WDR70: variants seen among roughly 807,000 people sequenced by gnomAD.
The protein encoded by WDR70 is WD repeat domain 70.
Under a neutral mutation model 88.6 loss-of-function variants are expected in WDR70, and 53 were observed. That is an observed-to-expected ratio of 0.60 (90% CI 0.48 to 0.75). The LOEUF is 0.75. Among genes scored for constraint, WDR70 ranks in the 30% least tolerant of loss-of-function variants. The pLI is 0.00. For synonymous variants in WDR70, 280 were observed against 270.0 expected (o/e 1.04, Z -0.36); for missense variants, 610 against 823.2 (o/e 0.74, Z 3.17).
At chr5:37,548,115 C>T (rs1742046044) in intron 9 of WDR70, among the ~76,000 whole-genome samples, 1 of 152,174 alleles carries the variant, frequency 6.6e-6, no homozygotes, top group Non-Finnish European at 1.5e-5. Flanking sequence ...CATGGGAGTG[C>T]AGAAAGCTCT....
chr5:37,645,855 G>T (rs1436772072), intron 10 of WDR70, among the ~76,000 whole-genome samples: 1 of 151,992 alleles, frequency 6.6e-6, no homozygotes, highest in African/African-American at 2.4e-5. Flanking sequence ...CAGTCTATGT[G>T]TGTCTTTGTG....
chr5:37,748,062 C>A (rs1320459049), intron 17 of WDR70, among the ~76,000 whole-genome samples: 3 of 152,178 alleles, frequency 2.0e-5, no homozygotes, highest in Non-Finnish European at 4.4e-5. Flanking sequence ...GGCCATACTA[C>A]CCAAAGTAAT....
chr5:37,516,595 G>A lies in WDR70; in HGVS notation c.917+5G>A. 6.3e-7 allele frequency: 1 copy of A among 1,588,228 alleles called. No individual in the cohort carries two copies. Among genetic ancestry groups the A allele is most frequent in the Non-Finnish European group, 8.6e-7 (1 of 1,160,350 alleles). On this transcript the variant is annotated splice_donor_5th_base_variant and intron_variant, in intron 9 of 17. Coordinates refer to ENST00000265107, the MANE Select transcript of WDR70 (RefSeq NM_018034.4). ...TATGACTTGCTCAAATGATGCGTGA[G>A]TATTGTTGATAATTCATCTAATACA...
chr5:37,720,752 T>C (rs191278488), intron 13 of WDR70, among the ~76,000 whole-genome samples: 1 of 152,316 alleles, frequency 6.6e-6, no homozygotes, highest in Admixed American at 6.5e-5. Flanking sequence ...TGTAAGAGCA[T>C]GAAATTCGCT....
At chr5:37,692,451 A>G (rs535448699) in intron 10 of WDR70, among the ~76,000 whole-genome samples, 1 of 152,356 alleles carries the variant, frequency 6.6e-6, no homozygotes, top group Non-Finnish European at 1.5e-5. Context: ...ATGAACGTTG[A>G]TGCAAAAATC....
intron 9 of WDR70, among the ~76,000 whole-genome samples, chr5:37,583,498 A>G (rs764541631): frequency 2.6e-5 from 4 of 151,972 alleles, no homozygotes; most frequent in African/African-American, 7.3e-5. Flanking sequence ...TGTCACAGAT[A>G]TGGGGGGAGA....
chr5:37,746,443 G>A (rs1292452268), intron 17 of WDR70, among the ~76,000 whole-genome samples: 9 of 151,682 alleles, frequency 5.9e-5, no homozygotes, highest in Admixed American at 3.9e-4. Flanking sequence ...GAAGGAGATA[G>A]AGACATGAAA....
chr5:37,619,803 A>G (rs1744455247), intron 10 of WDR70, among the ~76,000 whole-genome samples: 1 of 151,832 alleles, frequency 6.6e-6, no homozygotes, highest in African/African-American at 2.4e-5. Context: ...TAATTTATCA[A>G]ATTTCTTAAA....
intron 10 of WDR70, among the ~76,000 whole-genome samples, chr5:37,645,935 T>G (rs1745221525): frequency 6.6e-6 from 1 of 152,108 alleles, no homozygotes; most frequent in Non-Finnish European, 1.5e-5. Flanking sequence ...CCAGTTTGTA[T>G]CTTTTGATTG....
intron 13 of WDR70, among the ~76,000 whole-genome samples, chr5:37,718,356 T>G (rs1394984524): frequency 1.3e-5 from 2 of 152,188 alleles, no homozygotes; most frequent in Non-Finnish European, 2.9e-5. Context: ...CTGGATGTCT[T>G]GGAATTTATC....
chr5:37,585,834 C>T (rs1334046165), intron 9 of WDR70, among the ~76,000 whole-genome samples: 1 of 152,090 alleles, frequency 6.6e-6, no homozygotes, highest in Non-Finnish European at 1.5e-5. Flanking sequence ...TTATCTGTTG[C>T]CTTTCCAAGG....
At chr5:37,568,590 A>G (rs1381064187) in intron 9 of WDR70, among the ~76,000 whole-genome samples, 4 of 152,162 alleles carry the variant, frequency 2.6e-5, no homozygotes, top group Admixed American at 6.6e-5. Context: ...GTTTTTTACA[A>G]TATTCTTCTC....
intron 10 of WDR70, among the ~76,000 whole-genome samples, chr5:37,674,400 A>C (rs1323106575): frequency 6.6e-6 from 1 of 151,822 alleles, no homozygotes; most frequent in African/African-American, 2.4e-5. Context: ...ACCCCACAAC[A>C]GTCCCCAGAG....
At chr5:37,497,008 G>T (rs951511824) in intron 8 of WDR70, among the ~76,000 whole-genome samples, 1 of 152,188 alleles carries the variant, frequency 6.6e-6, no homozygotes, top group Non-Finnish European at 1.5e-5. Context: ...GCATGTCTTG[G>T]ATTATTGGAA....
chr5:37,562,192 T>C (rs986217898), intron 9 of WDR70, among the ~76,000 whole-genome samples: 3 of 152,194 alleles, frequency 2.0e-5, no homozygotes, highest in African/African-American at 7.2e-5. Context: ...ACCCCGTCTC[T>C]ATTAAAATAT....
In WDR70 at chr5:37,637,339, T is replaced by TTAAATAAA. The variant is rs34958458; in HGVS notation, c.1092+32134_1092+32141dup. On this transcript the variant is annotated intron_variant, in intron 10 of 17. Coordinates refer to ENST00000265107, the MANE Select transcript of WDR70 (RefSeq NM_018034.4). The stretch of plus-strand genomic sequence containing the variant: ...GACTCTGTCTCAAAAAATAAATAAA[T>TTAAATAAA]TAAATAAATAAATAAATAAATAAAT... Among the ~76,000 whole-genome samples the TTAAATAAA allele has an allele frequency of 7.7e-3, 1,119 of 145,076 alleles. 8 individuals carry two copies. Among genetic ancestry groups the TTAAATAAA allele is most frequent in the African/African-American group, 0.012 (461 of 39,672 alleles).
intron 10 of WDR70, among the ~76,000 whole-genome samples, chr5:37,619,555 G>A (rs1157877024): frequency 6.6e-6 from 1 of 152,150 alleles, no homozygotes; most frequent in Non-Finnish European, 1.5e-5. Flanking sequence ...TCACTTAATA[G>A]AGCCTCTAGT....
At chr5:37,615,866 T>G (rs1486734276) in intron 10 of WDR70, among the ~76,000 whole-genome samples, 1 of 152,230 alleles carries the variant, frequency 6.6e-6, no homozygotes, top group Non-Finnish European at 1.5e-5. Flanking sequence ...ACTCACTCCC[T>G]CAATTGCGTC....
Position 37,470,489 on chromosome 5 carries a change from C to T in WDR70, c.687-9345C>T, listed in dbSNP as rs1039762654. On this transcript the variant is annotated intron_variant, in intron 7 of 17. Coordinates refer to ENST00000265107, the MANE Select transcript of WDR70 (RefSeq NM_018034.4). The stretch of plus-strand genomic sequence containing the variant: ...GTTACCAGCACCAGAAACTTGTTTA[C>T]CAGATATTACCCACAACCTTCTCAT... Among the ~76,000 whole-genome samples the T allele has an allele frequency of 2.0e-5, 3 of 152,274 alleles. No individual in the cohort carries two copies. In the South Asian group the frequency reaches 6.2e-4, roughly 32 times the overall value.
Sources: gnomAD v4.1 joint callset for allele counts (sites outside exome capture counted in the v4.1 genomes callset) on GRCh38, gnomAD v4.1.1 for gene constraint, MANE v1.5 for transcripts, NCBI Gene and HGNC (gene_info 2026-07-23, HGNC 2026-07-21) for gene names.